ITGA8: variants seen among roughly 807,000 people sequenced by gnomAD.
ITGA8 encodes integrin alpha-8.
Under a neutral mutation model 142.3 loss-of-function variants are expected in ITGA8, and 91 were observed. The observed-to-expected ratio is 0.64, with a 90% confidence interval of 0.54 to 0.76. ITGA8 has a LOEUF of 0.76. ITGA8 is among the 30% of genes least tolerant of loss of function. The probability of loss-of-function intolerance (pLI) is 0.00; values close to 1 mark genes in which losing one functional copy is unlikely to be tolerated. For missense variants in ITGA8, 1,406 were observed against 1,327.7 expected (o/e 1.06, Z -0.92); for synonymous variants, 505 against 485.2 (o/e 1.04, Z -0.54).
chr10:15,647,460 T>TG (rs953197919), intron 11 of ITGA8, among the ~76,000 whole-genome samples: 1 of 142,290 alleles, frequency 7.0e-6, no homozygotes, highest in African/African-American at 2.6e-5. Flanking sequence ...TTTTTTTTTT[T>TG]TTTTTTTTTT....
intron 13 of ITGA8, among the ~76,000 whole-genome samples, chr10:15,624,657 G>T (rs1833549625): frequency 6.6e-6 from 1 of 152,100 alleles, no homozygotes; most frequent in African/African-American, 2.4e-5. Flanking sequence ...ATCTCCTCCA[G>T]GAACTGCCCA....
chr10:15,662,173 C>T lies in ITGA8; in HGVS notation c.848-1251G>A, dbSNP rs576664081. 4.6e-5 allele frequency among the ~76,000 whole-genome samples: 7 copies of T among 152,162 alleles called. No individual in the cohort carries two copies. In the South Asian group the frequency reaches 1.0e-3, roughly 23 times the overall value. On this transcript the variant is annotated intron_variant, in intron 8 of 29. Transcript: ENST00000378076. ...TTAAATGTAATATTGAGTAAAGATC[C>T]TCCTAATTTTTTAATAAGTGATCAG... is the stretch of plus-strand genomic sequence containing the variant.
intron 11 of ITGA8, among the ~76,000 whole-genome samples, chr10:15,649,630 A>G (rs1466882450): frequency 6.6e-6 from 1 of 151,920 alleles, no homozygotes; most frequent in Non-Finnish European, 1.5e-5. Context: ...AAAAAAAAAA[A>G]AAATTGGGCA....
At chr10:15,647,449 GTTTTTTT>G (rs71505078) in intron 11 of ITGA8, among the ~76,000 whole-genome samples, 5 of 91,484 alleles carry the variant, frequency 5.5e-5, no homozygotes, top group Non-Finnish European at 8.1e-5. Flanking sequence ...AAATTATTCA[GTTTTTTT>G]TTTTTTTTTT....
chr10:15,633,406 T>G (rs375295875), intron 13 of ITGA8, among the ~76,000 whole-genome samples: 2 of 152,140 alleles, frequency 1.3e-5, no homozygotes, highest in Non-Finnish European at 2.9e-5. Flanking sequence ...CAGTCAACAT[T>G]AATTATTTTA....
At chr10:15,606,496 CAA>C in intron 17 of ITGA8, 74 bp from the exon 18 acceptor site, 1 of 1,411,724 alleles carries the variant, frequency 7.1e-7, no homozygotes, top group Non-Finnish European at 9.8e-7. Flanking sequence ...AAAAGTCAGG[CAA>C]CACTGGAATT....
Position 15,572,230 on chromosome 10 carries a change from A to G in ITGA8, c.2618T>C (p.Ile873Thr), listed in dbSNP as rs766156394. Residue 873 changes from isoleucine to threonine, a missense_variant, in exon 25 of 30, where the codon ATC becomes ACC. By Grantham distance (89) the Ile-to-Thr change is moderately conservative. Transcript: ENST00000378076. Reference protein sequence around the residue: ...GPLQCQPNPNINPQDIKPAAS... With the variant: ...GPLQCQPNPNTNPQDIKPAAS... The stretch of plus-strand genomic sequence containing the variant: ...TCCTACCTTTATATCCTGTGGATTG[A>G]TATTAGGATTTGGTTGGCACTGCAG... The G allele has an allele frequency of 1.6e-5, 26 of 1,613,696 alleles. No homozygotes were observed. The highest frequency in any genetic ancestry group is 6.7e-5 in the Admixed American group (4 of 59,986).
intron 11 of ITGA8, among the ~76,000 whole-genome samples, chr10:15,651,450 A>C (rs1487163422): frequency 6.6e-6 from 1 of 152,148 alleles, no homozygotes; most frequent in African/African-American, 2.4e-5. Flanking sequence ...CAGTCCACTC[A>C]ATCGTACTTG....
chr10:15,678,087 C>T (rs1834665918), intron 5 of ITGA8, among the ~76,000 whole-genome samples: 1 of 152,140 alleles, frequency 6.6e-6, no homozygotes, highest in South Asian at 2.1e-4. Flanking sequence ...AAAGAGCAAA[C>T]ACTCCAGACT....
chr10:15,547,815 A>T (rs1833706243), intron 27 of ITGA8, among the ~76,000 whole-genome samples: 1 of 152,102 alleles, frequency 6.6e-6, no homozygotes, highest in African/African-American at 2.4e-5. Context: ...CTCTGGACAT[A>T]TATATCTTGG....
At chr10:15,535,015 C>T (rs547992758) in intron 27 of ITGA8, among the ~76,000 whole-genome samples, 38 of 152,234 alleles carry the variant, frequency 2.5e-4, no homozygotes, top group Admixed American at 2.2e-3. Flanking sequence ...GGGCTGCGTG[C>T]GGTGCTTGCG....
At chr10:15,541,375 C>T (rs772471058) in intron 27 of ITGA8, among the ~76,000 whole-genome samples, 2 of 152,208 alleles carry the variant, frequency 1.3e-5, no homozygotes, top group African/African-American at 2.4e-5. Context: ...ACGAAGCCAT[C>T]AAGGTGGTAT....
In ITGA8 at chr10:15,677,739, T is replaced by C. The variant is rs574027727; in HGVS notation, c.631-102A>G. On this transcript the variant is annotated intron_variant, in intron 5 of 29. Transcript: ENST00000378076. The stretch of plus-strand genomic sequence containing the variant: ...GTTAATAAGCATTGCTCTAACAATT[T>C]GTTACACATAAAAAGCAATTTTTAA... 64 of 1,159,266 alleles carry C rather than the reference T, an allele frequency of 5.5e-5. 1 individual carries two copies. The South Asian group carries it at 9.1e-4, about 16-fold the overall frequency. 71.8% of individuals were successfully genotyped at this position (1,159,266 alleles called of 1,614,324 possible).
intron 25 of ITGA8, among the ~76,000 whole-genome samples, chr10:15,563,481 A>G (rs1564353436): frequency 6.6e-6 from 1 of 152,168 alleles, no homozygotes; most frequent in African/African-American, 2.4e-5. Context: ...CAATTATGTT[A>G]CAGAGGTTAA....
At chr10:15,664,375 G>A (rs1252647940) in intron 8 of ITGA8, among the ~76,000 whole-genome samples, 1 of 152,018 alleles carries the variant, frequency 6.6e-6, no homozygotes, top group Non-Finnish European at 1.5e-5. Context: ...TCTTTCAAAG[G>A]AAAAAATAAA....
At chr10:15,683,704 G>A (rs1055394506) in intron 4 of ITGA8, among the ~76,000 whole-genome samples, 4 of 152,206 alleles carry the variant, frequency 2.6e-5, no homozygotes, top group East Asian at 3.8e-4. Context: ...TTTAGGACAC[G>A]GAACGTGAAT....
intron 11 of ITGA8, among the ~76,000 whole-genome samples, chr10:15,647,449 G>GTTTTTTTTTTT (rs71505078): frequency 1.1e-5 from 1 of 91,486 alleles, no homozygotes; most frequent in Non-Finnish European, 2.0e-5. Context: ...AAATTATTCA[G>GTTTTTTTTTTT]TTTTTTTTTT....
intron 14 of ITGA8, 56 bp downstream of exon 14, chr10:15,616,458 C>A (rs1230930232): frequency 7.6e-7 from 1 of 1,316,700 alleles, no homozygotes; most frequent in African/African-American, 1.5e-5. Flanking sequence ...GCAGAACTAA[C>A]AAGAAAATGT....
At chr10:15,604,420 T>A in intron 19 of ITGA8, 65 bp from the exon 20 acceptor site, 1 of 1,345,848 alleles carries the variant, frequency 7.4e-7, no homozygotes, top group Non-Finnish European at 1.0e-6. Context: ...ATATTTTATT[T>A]AAGGATTTAT....
Sources: allele counts gnomAD v4.1 joint callset (sites outside exome capture counted in the v4.1 genomes callset), GRCh38; gene constraint gnomAD v4.1.1; transcripts MANE v1.5; gene names NCBI Gene and HGNC (gene_info 2026-07-23, HGNC 2026-07-21).